Variants in PSG4 observed in about 807,000 individuals in gnomAD.
The protein encoded by PSG4 is pregnancy-specific beta-1-glycoprotein 4.
PSG4 carries 61 observed loss-of-function variants against 44.3 expected under a neutral mutation model. That is an observed-to-expected ratio of 1.38 (90% confidence interval 1.12 to 1.70). PSG4 has a LOEUF of 1.70. Ranked by LOEUF, PSG4 falls within the 40% of genes most tolerant of loss-of-function variation. The pLI, the probability that PSG4 is intolerant of heterozygous loss-of-function variation, is 0.00. For synonymous variants in PSG4, 248 were observed against 191.3 expected, an observed-to-expected ratio of 1.30 and a Z score of -2.45; for missense variants, 677 against 511.7, an observed-to-expected ratio of 1.32 and a Z score of -3.12.
intron 2 of PSG4, among the ~76,000 whole-genome samples, chr19:43,200,366 G>T (rs1329621310): frequency 1.9e-5 from 2 of 107,980 alleles, no homozygotes; most frequent in Non-Finnish European, 3.6e-5. Context: ...CTTTGTAGTT[G>T]TCCCACAACT....
intron 2 of PSG4, 107 bp downstream of exon 2, chr19:43,203,779 T>G (rs1967625676): frequency 6.6e-7 from 1 of 1,512,756 alleles, no homozygotes; most frequent in African/African-American, 1.5e-5. Context: ...GCATGGGACT[T>G]AATGCAGAGA....
In PSG4 at chr19:43,195,136, T is replaced by G. The variant is rs201729623; in HGVS notation, c.847A>C (p.Ser283Arg). ...WWLNGQSLPV[S>R]PRVKRPIENR... Reference sequence around the variant, plus strand: ...TCAATGGGTCGCTTTACCCTGGGACTGACAGGGAGGCTCTGACCATTTAGC... The same window carrying G: ...TCAATGGGTCGCTTTACCCTGGGACGGACAGGGAGGCTCTGACCATTTAGC... Residue 283 changes from serine (S) to arginine (R), a missense_variant, in exon 4 of 6, where the codon AGT (serine) becomes CGT (arginine). By Grantham distance (110) the Ser-to-Arg change is moderately radical (BLOSUM62 -1). Coordinates refer to ENST00000405312, the MANE Select transcript of PSG4 (RefSeq NM_002780.5). The G allele has an allele frequency of 4.4e-4, 703 of 1,610,454 alleles. 18 individuals are homozygous for G. The highest frequency in any genetic ancestry group is 5.6e-4 in the Non-Finnish European group (664 of 1,179,068).
rs1248102762 is a variant in PSG4, at chr19:43,192,922, T to C, written c.*450A>G. The C allele has an allele frequency of 4.3e-5, 17 of 398,136 alleles. No homozygotes were observed. In the South Asian group the frequency reaches 4.7e-4, roughly 11 times the overall value. 24.7% of individuals were successfully genotyped at this position (398,136 alleles called of 1,614,324 possible). On this transcript the variant is annotated 3_prime_UTR_variant, in exon 6 of 6. Coordinates refer to ENST00000405312, the MANE Select transcript of PSG4 (RefSeq NM_002780.5). ...TCTATTGGGAGCCCTGTATGCAAGATGGAGAGAGCCACATTTCCCCTGAGA... is the reference window on the plus strand; with the variant it reads ...TCTATTGGGAGCCCTGTATGCAAGACGGAGAGAGCCACATTTCCCCTGAGA...
rs563634409 is a variant in PSG4 at position 43,204,492 on chromosome 19, G to C, written c.65-241C>G. The C allele has an allele frequency of 2.8e-5, 16 of 573,722 alleles. 3 individuals are homozygous for C. In the East Asian group the frequency reaches 3.7e-4, roughly 13 times the overall value. The allele number at this position is 573,722 out of a possible 1,614,324, so 35.5% of individuals were successfully genotyped here. The stretch of plus-strand genomic sequence containing the variant: ...TCTGACCTTGGCATTTTTCTTTTTG[G>C]ATTCCTCTTCCCCAGGGGTCCGCAC... On this transcript the variant is annotated intron_variant, in intron 1 of 5. Coordinates refer to ENST00000405312, the MANE Select transcript of PSG4 (RefSeq NM_002780.5).
intron 3 of PSG4, among the ~76,000 whole-genome samples, chr19:43,197,210 G>T (rs1238782823): frequency 5.5e-5 from 8 of 144,834 alleles, no homozygotes; most frequent in Non-Finnish European, 1.2e-4. Flanking sequence ...GGTGGTTTTG[G>T]AGCAGAAACA....
chr19:43,192,866 C>A lies in PSG4; in HGVS notation c.*506G>T, dbSNP rs867399992. The A allele has an allele frequency of 3.8e-5, 10 of 266,268 alleles. No individual in the cohort carries two copies. The East Asian group carries it at 4.6e-4, about 12-fold the overall frequency. 16.5% of individuals were successfully genotyped at this position (266,268 alleles called of 1,614,324 possible). A position where few individuals can be genotyped will look rare whatever the true frequency, so the allele number is the denominator to read the frequency against. ...CTCTTTATAGAAACCATCTTCTCTGCAAACACACAGGCAATATCTCTGTGT... is the reference window on the plus strand; with the variant it reads ...CTCTTTATAGAAACCATCTTCTCTGAAAACACACAGGCAATATCTCTGTGT... On this transcript the variant is annotated 3_prime_UTR_variant, in exon 6 of 6. Coordinates refer to ENST00000405312, the MANE Select transcript of PSG4 (RefSeq NM_002780.5).
intron 2 of PSG4, among the ~76,000 whole-genome samples, chr19:43,202,750 G>T (rs1235093526): frequency 6.9e-6 from 1 of 145,028 alleles, no homozygotes; most frequent in African/African-American, 2.7e-5. Flanking sequence ...TGAGGCAGGT[G>T]ATTTAGTTCT....
chr19:43,197,995 A>C lies in PSG4; in HGVS notation c.709+2T>G. Reference sequence around the variant, plus strand: ...GCTCACAGAGGAACAGAGGATACTCACGGAGGAGATTCAGGGTGACTGGGT... The same window carrying C: ...GCTCACAGAGGAACAGAGGATACTCCCGGAGGAGATTCAGGGTGACTGGGT... On this transcript the variant is annotated splice_donor_variant, in intron 3 of 5. Transcript: ENST00000405312. LOFTEE classifies it high-confidence loss of function. The C allele has an allele frequency of 6.9e-6, 11 of 1,587,798 alleles. No homozygotes were observed. Among genetic ancestry groups the C allele is most frequent in the Non-Finnish European group, 9.4e-6 (11 of 1,171,916 alleles).
rs182239191 is a variant in PSG4 at position 43,192,761 on chromosome 19, C to A, written c.*611G>T. The A allele has an allele frequency of 6.5e-4, 116 of 178,156 alleles. 3 individuals carry two copies. The highest frequency in any genetic ancestry group is 2.2e-3 in the African/African-American group (93 of 41,996). 11.0% of individuals were successfully genotyped at this position (178,156 alleles called of 1,614,324 possible). On this transcript the variant is annotated 3_prime_UTR_variant, in exon 6 of 6. Coordinates refer to ENST00000405312, the MANE Select transcript of PSG4 (RefSeq NM_002780.5). ...ATCAGTATTACTGTCACGTTTTACA[C>A]TGTATCTCTTAGGAAATGGTGAGAG... is the stretch of plus-strand genomic sequence containing the variant.
At chr19:43,193,431 G>A (rs768389256) in intron 5 of PSG4, 43 bp from the exon 6 acceptor site, 16 of 766,306 alleles carry the variant, frequency 2.1e-5, no homozygotes, top group Non-Finnish European at 3.1e-5. Context: ...GAACAGAGCT[G>A]CAATCTCATA....
chr19:43,197,192 C>A (rs1478205249), intron 3 of PSG4, among the ~76,000 whole-genome samples: 1 of 145,176 alleles, frequency 6.9e-6, no homozygotes, highest in Admixed American at 6.8e-5. Flanking sequence ...AGGGGACAGG[C>A]AAAAGCTGGT....
chr19:43,202,192 G>A (rs1356160872), intron 2 of PSG4, among the ~76,000 whole-genome samples: 2 of 145,806 alleles, frequency 1.4e-5, no homozygotes, highest in Non-Finnish European at 3.0e-5. Context: ...TCAGAATGAA[G>A]TGGGAGGAAG....
At chr19:43,204,697 C>CCCCCCCCCCCCCCCCCG (rs142232112) in intron 1 of PSG4, 1 of 184,020 alleles carries the variant, frequency 5.4e-6, no homozygotes, top group Non-Finnish European at 9.6e-6. Flanking sequence ...TCTGTCTTCC[C>CCCCCCCCCCCCCCCCCG]CCCACGATGA....
At chr19:43,196,196 G>T (rs1015745820) in intron 3 of PSG4, among the ~76,000 whole-genome samples, 1 of 151,626 alleles carries the variant, frequency 6.6e-6, no homozygotes. Flanking sequence ...GAGAAGTTTT[G>T]CAAATATTTT....
chr19:43,195,726 C>T (rs1428400749), intron 3 of PSG4, among the ~76,000 whole-genome samples: 2 of 151,096 alleles, frequency 1.3e-5, no homozygotes, highest in East Asian at 3.9e-4. Flanking sequence ...AATAATGGGA[C>T]TTCCCATTGT....
chr19:43,196,742 G>A (rs1016718884), intron 3 of PSG4: 2 of 151,370 alleles, frequency 1.3e-5, no homozygotes, highest in Non-Finnish European at 2.9e-5. Context: ...AAGGCTGATT[G>A]CTATTTTCTG....
intron 3 of PSG4, 64 bp from the exon 4 acceptor site, chr19:43,195,337 T>C: frequency 1.3e-6 from 2 of 1,582,442 alleles, no homozygotes; most frequent in Non-Finnish European, 1.7e-6. Context: ...CAGGCATACT[T>C]CAATCAGAGT....
In PSG4 at chr19:43,204,046, T is replaced by G. The variant is rs747130430; in HGVS notation, c.270A>C (p.Ile90=). 21 of 1,587,152 alleles carry G rather than the reference T, an allele frequency of 1.3e-5. 1 individual carries two copies. In the South Asian group the frequency reaches 2.3e-4, roughly 18 times the overall value. ...CTCTTCCACTGTATGCAGGCCCATATATAATTCTTTGACCGTCTACTACAT... is the reference window on the plus strand; with the variant it reads ...CTCTTCCACTGTATGCAGGCCCATAGATAATTCTTTGACCGTCTACTACAT... ...TSYVVDGQRI[I]YGPAYSGRER... Residue 90 remains isoleucine (I), a synonymous_variant, in exon 2 of 6, where the codon ATA becomes ATC. Transcript: ENST00000405312.
chr19:43,195,958 G>T (rs1436979123), intron 3 of PSG4, among the ~76,000 whole-genome samples: 1 of 150,570 alleles, frequency 6.6e-6, no homozygotes, highest in Non-Finnish European at 1.5e-5. Context: ...GGAGTCAAGG[G>T]GACAGGCAAG....
Sources: gnomAD v4.1 joint callset for allele counts (sites outside exome capture counted in the v4.1 genomes callset) on GRCh38, gnomAD v4.1.1 for gene constraint, MANE v1.5 for transcripts, NCBI Gene and HGNC (gene_info 2026-07-23, HGNC 2026-07-21) for gene names.